NELL1: variants seen among roughly 807,000 people sequenced by gnomAD.
NELL1 encodes the protein neural EGFL like 1.
Under a neutral mutation model 107.4 loss-of-function variants are expected in NELL1, and 76 were observed. The ratio of observed to expected loss-of-function variants is 0.71; its 90% CI spans 0.59 to 0.86. NELL1 has a LOEUF of 0.86. NELL1 is among the 40% of genes least tolerant of loss of function. The probability of loss-of-function intolerance (pLI) is 0.00; values close to 1 mark genes in which losing one functional copy is unlikely to be tolerated. For missense variants in NELL1, 1,024 were observed against 1,005.5 expected (o/e 1.02, Z -0.25); for synonymous variants, 353 against 341.2 (o/e 1.03, Z -0.38).
intron 15 of NELL1, among the ~76,000 whole-genome samples, chr11:21,532,789 C>T (rs981013780): frequency 1.3e-5 from 2 of 152,134 alleles, no homozygotes; most frequent in African/African-American, 4.8e-5. Context: ...TGTCTCTTGC[C>T]TGGTATTCAA....
intron 14 of NELL1, among the ~76,000 whole-genome samples, chr11:21,244,260 A>T (rs534396088): frequency 6.6e-6 from 1 of 152,292 alleles, no homozygotes; most frequent in African/African-American, 2.4e-5. Flanking sequence ...AGTTCATGAG[A>T]GAGCAGACAT....
chr11:20,798,676 T>A (rs1348491518), intron 3 of NELL1, among the ~76,000 whole-genome samples: 2 of 152,200 alleles, frequency 1.3e-5, no homozygotes, highest in African/African-American at 4.8e-5. Flanking sequence ...GAAAGGCACC[T>A]CAGGCTGTCA....
At chr11:20,840,582 C>T (rs892037898) in intron 3 of NELL1, among the ~76,000 whole-genome samples, 3 of 152,318 alleles carry the variant, frequency 2.0e-5, no homozygotes, top group Middle Eastern at 3.4e-3. Flanking sequence ...CTCCCCAGTA[C>T]GGTCTGGACT....
intron 10 of NELL1, among the ~76,000 whole-genome samples, chr11:20,943,934 A>G (rs1850910580): frequency 6.6e-6 from 1 of 152,246 alleles, no homozygotes; most frequent in Non-Finnish European, 1.5e-5. Flanking sequence ...GGTAGCATTT[A>G]TAAAAGGCCA....
At chr11:20,737,620 G>T (rs537558785) in intron 2 of NELL1, among the ~76,000 whole-genome samples, 1 of 151,942 alleles carries the variant, frequency 6.6e-6, no homozygotes, top group Non-Finnish European at 1.5e-5. Context: ...AGAGAGATTA[G>T]CAAGTGATTG....
chr11:20,737,214 C>T (rs990273545), intron 2 of NELL1, among the ~76,000 whole-genome samples: 1 of 151,970 alleles, frequency 6.6e-6, no homozygotes, highest in Non-Finnish European at 1.5e-5. Context: ...AATCCTGCCC[C>T]CCAGTTTGTT....
chr11:21,529,435 G>A (rs1485661585), intron 15 of NELL1, among the ~76,000 whole-genome samples: 1 of 152,170 alleles, frequency 6.6e-6, no homozygotes, highest in Non-Finnish European at 1.5e-5. Context: ...GTCTTTGCAT[G>A]TTATGTTCAG....
intron 13 of NELL1, among the ~76,000 whole-genome samples, chr11:21,222,148 T>C (rs1857772989): frequency 6.6e-6 from 1 of 152,128 alleles, no homozygotes; most frequent in Non-Finnish European, 1.5e-5. Flanking sequence ...AAGCTTTTTG[T>C]TTCTTTGATC....
chr11:21,457,343 A>T (rs1404463377), intron 15 of NELL1, among the ~76,000 whole-genome samples: 1 of 152,148 alleles, frequency 6.6e-6, no homozygotes, highest in Non-Finnish European at 1.5e-5. Flanking sequence ...AGTTAAATGG[A>T]AAGAATTCAG....
intron 12 of NELL1, among the ~76,000 whole-genome samples, chr11:21,101,395 A>G (rs1854808134): frequency 6.6e-6 from 1 of 152,190 alleles, no homozygotes; most frequent in African/African-American, 2.4e-5. Flanking sequence ...CTAATTCTAG[A>G]TCCCTGAGGA....
At chr11:21,412,629 A>G (rs539592505) in intron 15 of NELL1, among the ~76,000 whole-genome samples, 5 of 152,216 alleles carry the variant, frequency 3.3e-5, no homozygotes, top group African/African-American at 1.2e-4. Context: ...AAGTGTGTCT[A>G]CGGAACATGA....
At chr11:21,398,712 C>T (rs1424224674) in intron 15 of NELL1, among the ~76,000 whole-genome samples, 3 of 151,628 alleles carry the variant, frequency 2.0e-5, no homozygotes, top group Admixed American at 6.6e-5. Context: ...CAGTAAATGG[C>T]CTCTGAACAG....
chr11:21,264,443 A>T (rs1233969921), intron 14 of NELL1, among the ~76,000 whole-genome samples: 1 of 151,868 alleles, frequency 6.6e-6, no homozygotes, highest in Non-Finnish European at 1.5e-5. Flanking sequence ...TGCCAGCAGG[A>T]GATGGGAAGG....
chr11:21,241,760 T>C (rs933196598), intron 14 of NELL1, among the ~76,000 whole-genome samples: 5 of 152,004 alleles, frequency 3.3e-5, no homozygotes, highest in African/African-American at 1.2e-4. Flanking sequence ...TATGTGTTTG[T>C]TTTTTTCATT....
At chr11:21,088,299 G>C (rs556529791) in intron 12 of NELL1, among the ~76,000 whole-genome samples, 1 of 152,212 alleles carries the variant, frequency 6.6e-6, no homozygotes, top group South Asian at 2.1e-4. Flanking sequence ...GAGTGCCTCT[G>C]TATTGCTGGA....
intron 13 of NELL1, among the ~76,000 whole-genome samples, chr11:21,161,424 C>T (rs945855576): frequency 6.6e-6 from 1 of 152,174 alleles, no homozygotes; most frequent in African/African-American, 2.4e-5. Flanking sequence ...GTAATCCCAG[C>T]TACTCGGGAG....
At chr11:20,938,407 T>A (rs1216428663) in intron 10 of NELL1, among the ~76,000 whole-genome samples, 3 of 152,162 alleles carry the variant, frequency 2.0e-5, no homozygotes, top group Non-Finnish European at 4.4e-5. Flanking sequence ...CAAAACAAAG[T>A]CACTGTCTTT....
intron 2 of NELL1, among the ~76,000 whole-genome samples, chr11:20,695,605 G>A (rs775763996): frequency 2.8e-4 from 43 of 151,910 alleles, no homozygotes; most frequent in Non-Finnish European, 5.7e-4. Context: ...ATTGATTTGT[G>A]TATGTTGATT....
At chr11:21,331,935 A>G (rs1850280725) in intron 14 of NELL1, among the ~76,000 whole-genome samples, 1 of 151,928 alleles carries the variant, frequency 6.6e-6, no homozygotes, top group African/African-American at 2.4e-5. Context: ...GATTTTGAGG[A>G]GCTCTTTGGC....
Sources: gnomAD v4.1 joint callset for allele counts (sites outside exome capture counted in the v4.1 genomes callset) on GRCh38, gnomAD v4.1.1 for gene constraint, MANE v1.5 for transcripts, NCBI Gene and HGNC (gene_info 2026-07-23, HGNC 2026-07-21) for gene names.